HK1: variants seen among roughly 807,000 people sequenced by gnomAD.
The protein encoded by HK1 is hexokinase 1.
Under a neutral mutation model 91.6 loss-of-function variants are expected in HK1, and 28 were observed. The observed-to-expected ratio is 0.31, with a 90% confidence interval of 0.23 to 0.42. The LOEUF (loss-of-function observed/expected upper bound fraction) is 0.42. Among genes scored for constraint, HK1 ranks in the 10% least tolerant of loss-of-function variants. The pLI is 1.00. For synonymous variants in HK1, 430 were observed against 468.1 expected (o/e 0.92, Z 1.05); for missense variants, 770 against 1,219.8 (o/e 0.63, Z 5.49).
In HK1 at chr10:69,365,700, A is replaced by C. The variant is rs745378433; in HGVS notation, c.495+798A>C. On this transcript the variant is annotated intron_variant, in intron 4 of 17. Transcript: ENST00000359426. ...CAAGACCAGCCTGGGCAATCTGTAC[A>C]AAAAGTTAGCTGTGTGCGTTAACAT... is the stretch of plus-strand genomic sequence containing the variant. 4.7e-4 allele frequency among the ~76,000 whole-genome samples: 71 copies of C among 152,290 alleles called. No individual in the cohort carries two copies. The Middle Eastern group carries it at 0.017, about 36-fold the overall frequency.
rs543750308 is a variant in HK1 at position 69,368,890 on chromosome 10, G to T, written c.591+259G>T. On this transcript the variant is annotated intron_variant, in intron 5 of 17. Transcript: ENST00000359426. ...ACAGGAGTGCTGGGCTATTCAGGGA[G>T]TGGGTGTCACGGATGCAGCCTGCTG... Among the ~76,000 whole-genome samples the T allele has an allele frequency of 2.0e-5, 3 of 152,328 alleles. No individual in the cohort carries two copies. In the East Asian group the frequency reaches 5.8e-4, roughly 29 times the overall value.
chr10:69,300,090 A>T (rs1024376620), intron 4 of HK1, among the ~76,000 whole-genome samples: 1 of 151,750 alleles, frequency 6.6e-6, no homozygotes, highest in Non-Finnish European at 1.5e-5. Context: ...GTGAGCCACC[A>T]TGCCCGGCTG....
intron 2 of HK1, among the ~76,000 whole-genome samples, chr10:69,285,524 A>G (rs544683168): frequency 6.6e-6 from 1 of 152,330 alleles, no homozygotes; most frequent in Non-Finnish European, 1.5e-5. Context: ...ATTAAAATGT[A>G]GAGATATCAG....
chr10:69,401,040 A>G lies in HK1; in HGVS notation c.2659A>G (p.Asn887Asp). The G allele has an allele frequency of 6.2e-7, 1 of 1,614,222 alleles. No homozygotes were observed. The highest frequency in any genetic ancestry group is 1.1e-5 in the South Asian group (1 of 91,084). The change falls in exon 18 of 18, where the codon AAC (asparagine) becomes GAC (aspartate). Residue 887 changes from asparagine (N) to aspartate (D), a missense_variant. By Grantham distance (23) the Asn-to-Asp change is conservative (BLOSUM62 1). Transcript: ENST00000359426. ...GGTGAAGGAACTGTCACCAAAATGT[A>G]ACGTGTCCTTCCTCCTGTCTGAGGA... ...QTVKELSPKC[N>D]VSFLLSEDGS...
intron 3 of HK1, among the ~76,000 whole-genome samples, chr10:69,289,056 G>C (rs1845160509): frequency 6.6e-6 from 1 of 152,154 alleles, no homozygotes. Context: ...AAAGTGCTGG[G>C]ATTACAAGCC....
At chr10:69,383,587 A>C (rs537816234) in intron 10 of HK1, among the ~76,000 whole-genome samples, 2 of 152,372 alleles carry the variant, frequency 1.3e-5, no homozygotes, top group Admixed American at 1.3e-4. Context: ...TCAGTTGGAC[A>C]GTTCTGCTCA....
At chr10:69,365,801 C>T (rs1383834678) in intron 4 of HK1, among the ~76,000 whole-genome samples, 1 of 152,138 alleles carries the variant, frequency 6.6e-6, no homozygotes, top group Non-Finnish European at 1.5e-5. Context: ...GCCACTGCAC[C>T]CCAACCTGGG....
intron 10 of HK1, among the ~76,000 whole-genome samples, chr10:69,383,828 T>TGG (rs1839507423): frequency 1.3e-5 from 2 of 152,210 alleles, no homozygotes; most frequent in Admixed American, 6.5e-5. Context: ...CAAAGCCTCC[T>TGG]GGAAGCCCAG....
chr10:69,331,917 T>A (rs772405149), intron 1 of HK1, among the ~76,000 whole-genome samples: 2 of 152,040 alleles, frequency 1.3e-5, no homozygotes, highest in Non-Finnish European at 2.9e-5. Context: ...TGATTAGACA[T>A]AGAAACAACA....
intron 5 of HK1, among the ~76,000 whole-genome samples, chr10:69,308,499 C>T (rs1168641556): frequency 6.6e-6 from 1 of 152,126 alleles, no homozygotes; most frequent in Non-Finnish European, 1.5e-5. Context: ...GCTGCAGGCA[C>T]TGGTAATCAG....
At chr10:69,293,858 T>TC (rs1845412904) in intron 3 of HK1, among the ~76,000 whole-genome samples, 2 of 54,482 alleles carry the variant, frequency 3.7e-5, no homozygotes, top group Admixed American at 2.6e-4. Context: ...TTTCTTTCTT[T>TC]TTTTTTTTTT....
Position 69,364,400 on chromosome 10 carries a change from G to T in HK1, c.376-383G>T, listed in dbSNP as rs540606743. Among the ~76,000 whole-genome samples the T allele has an allele frequency of 3.3e-5, 5 of 152,154 alleles. No individual in the cohort carries two copies. The South Asian group carries it at 8.3e-4, about 25-fold the overall frequency. The stretch of plus-strand genomic sequence containing the variant: ...CAGAGAGCGTGGCGTCGGGCGGGGC[G>T]GGAAGGCCACTCCACCTGGTGGCTG... On this transcript the variant is annotated intron_variant, in intron 3 of 17. Coordinates refer to ENST00000359426, the MANE Select transcript of HK1 (RefSeq NM_000188.3).
Position 69,349,653 on chromosome 10 carries a change from A to C in HK1, c.226+5664A>C, listed in dbSNP as rs371866470. 4.1e-4 allele frequency among the ~76,000 whole-genome samples: 62 copies of C among 152,310 alleles called. 1 individual carries two copies. The highest frequency in any genetic ancestry group is 1.2e-3 in the African/African-American group (50 of 41,564). ...CCCAACCCCTGAGCTAGCCACATAA[A>C]ATGTGGGTGAGACCACAGGCTACAG... On this transcript the variant is annotated intron_variant, in intron 2 of 17. Coordinates refer to ENST00000359426, the MANE Select transcript of HK1 (RefSeq NM_000188.3).
At chr10:69,306,027 T>C (rs1363368171) in intron 5 of HK1, among the ~76,000 whole-genome samples, 2 of 151,990 alleles carry the variant, frequency 1.3e-5, no homozygotes, top group Non-Finnish European at 2.9e-5. Context: ...ACCCACACTT[T>C]TTCCAAAGAG....
chr10:69,280,513 T>C (rs1252646627), intron 1 of HK1, among the ~76,000 whole-genome samples: 2 of 152,198 alleles, frequency 1.3e-5, no homozygotes, highest in South Asian at 2.1e-4. Flanking sequence ...AAATTCATAA[T>C]TGAAACCTAA....
At chr10:69,283,290 T>TA (rs541841675) in intron 2 of HK1, among the ~76,000 whole-genome samples, 56 of 135,630 alleles carry the variant, frequency 4.1e-4, no homozygotes, top group South Asian at 9.5e-4. Flanking sequence ...CTACCAAAAT[T>TA]AAAAAAAAAA....
At chr10:69,338,914 A>G (rs996805061) in intron 1 of HK1, among the ~76,000 whole-genome samples, 1 of 152,184 alleles carries the variant, frequency 6.6e-6, no homozygotes, top group African/African-American at 2.4e-5. Context: ...ACCAAGAGTC[A>G]GCCTTTCTTC....
chr10:69,276,118 A>AAAAAAAAATATAT lies in HK1; in HGVS notation c.-391+6011_-391+6012insAAAAAAATATATA. 1.8e-4 allele frequency among the ~76,000 whole-genome samples: 7 copies of AAAAAAAAATATAT among 38,270 alleles called. 1 individual carries two copies. Among genetic ancestry groups the AAAAAAAAATATAT allele is most frequent in the South Asian group, 3.1e-3 (2 of 644 alleles). 25.1% of individuals were successfully genotyped at this position (38,270 alleles called of 152,430 possible). On this transcript the variant is annotated intron_variant, in intron 1 of 21. Transcript: ENST00000360289. The stretch of plus-strand genomic sequence containing the variant: ...AAAAAAAAAAAAAAAAAAAAAAAAA[A>AAAAAAAAATATAT]ATACATATATATATATATATACACA...
intron 5 of HK1, among the ~76,000 whole-genome samples, chr10:69,302,267 T>G (rs1341840631): frequency 6.8e-6 from 1 of 147,696 alleles, no homozygotes; most frequent in Non-Finnish European, 1.5e-5. Context: ...AAAAAAAAAC[T>G]TATAAAGCTA....
Sources: gnomAD v4.1 joint callset for allele counts (sites outside exome capture counted in the v4.1 genomes callset) on GRCh38, gnomAD v4.1.1 for gene constraint, MANE v1.5 for transcripts, NCBI Gene and HGNC (gene_info 2026-07-23, HGNC 2026-07-21) for gene names.